Variants in NPHP4 observed in about 807,000 individuals in gnomAD.
NPHP4 encodes nephrocystin 4.
Under a neutral mutation model 155.8 loss-of-function variants are expected in NPHP4, and 151 were observed. That is an observed-to-expected ratio of 0.97 (90% CI 0.85 to 1.11). The LOEUF is 1.11. Ranked by LOEUF, NPHP4 falls within the 50% of genes least tolerant of loss-of-function variation. The probability of loss-of-function intolerance (pLI) is 0.00; values close to 1 mark genes in which losing one functional copy is unlikely to be tolerated. For missense variants in NPHP4, 1,956 were observed against 1,925.7 expected (o/e 1.02, Z -0.29); for synonymous variants, 845 against 816.8 (o/e 1.03, Z -0.59).
intron 27 of NPHP4, 40 bp downstream of exon 27, chr1:5,865,062 G>A (rs1484171351): frequency 6.3e-7 from 1 of 1,599,106 alleles, no homozygotes; most frequent in Admixed American, 1.7e-5. Context: ...CCAGGCTGGG[G>A]TTGGGGAGAG....
At chr1:5,898,531 C>T (rs1015524833) in intron 16 of NPHP4, among the ~76,000 whole-genome samples, 3 of 152,330 alleles carry the variant, frequency 2.0e-5, no homozygotes, top group Admixed American at 2.0e-4. Context: ...AGCGGCTCTG[C>T]CGGGCAGACA....
chr1:5,881,161 C>T (rs1243230752), intron 18 of NPHP4: 1 of 152,234 alleles, frequency 6.6e-6, no homozygotes, highest in African/African-American at 2.4e-5. Context: ...CAGGTCCCTC[C>T]TTGGCTGCAG....
At chr1:5,866,098 C>T in intron 26 of NPHP4, 1 of 507,242 alleles carries the variant, frequency 2.0e-6, no homozygotes, top group African/African-American at 1.9e-5. Flanking sequence ...GTGGCCCTTG[C>T]CACTATCTGG....
At chr1:5,931,480 C>G (rs111713761) in intron 10 of NPHP4, among the ~76,000 whole-genome samples, 145 of 151,590 alleles carry the variant, frequency 9.6e-4, no homozygotes, top group African/African-American at 3.4e-3. Flanking sequence ...TGACTCACAT[C>G]TGCAATCCCA....
intron 9 of NPHP4, among the ~76,000 whole-genome samples, chr1:5,934,225 C>T (rs1312036755): frequency 6.6e-6 from 1 of 152,150 alleles, no homozygotes. Flanking sequence ...GGGTGGAGCA[C>T]ACTTAAGTCA....
At chr1:5,983,650 A>T (rs1655047570) in intron 2 of NPHP4, among the ~76,000 whole-genome samples, 1 of 152,152 alleles carries the variant, frequency 6.6e-6, no homozygotes, top group Admixed American at 6.5e-5. Context: ...GAGTATGACT[A>T]CATGCTGAGT....
chr1:5,953,559 C>T (rs1648608747), intron 6 of NPHP4, among the ~76,000 whole-genome samples: 1 of 152,232 alleles, frequency 6.6e-6, no homozygotes, highest in Non-Finnish European at 1.5e-5. Context: ...ACTGTGTTAC[C>T]TTGAACCATC....
chr1:5,985,925 G>A (rs962155857), intron 2 of NPHP4, among the ~76,000 whole-genome samples: 1 of 152,292 alleles, frequency 6.6e-6, no homozygotes, highest in Admixed American at 6.5e-5. Flanking sequence ...CTACAACTGG[G>A]CAAAGTCATC....
intron 2 of NPHP4, among the ~76,000 whole-genome samples, chr1:5,978,694 G>A (rs1654138934): frequency 6.6e-6 from 1 of 152,126 alleles, no homozygotes; most frequent in Non-Finnish European, 1.5e-5. Context: ...CATGACCACA[G>A]GAGACACATG....
intron 3 of NPHP4, among the ~76,000 whole-genome samples, chr1:5,974,198 C>T (rs985264313): frequency 4.6e-5 from 7 of 152,178 alleles, no homozygotes; most frequent in African/African-American, 1.2e-4. Flanking sequence ...GCTGTGATGA[C>T]GGGAAGAGAC....
At chr1:5,933,939 G>A (rs1646404328) in intron 9 of NPHP4, among the ~76,000 whole-genome samples, 1 of 152,164 alleles carries the variant, frequency 6.6e-6, no homozygotes, top group Non-Finnish European at 1.5e-5. Flanking sequence ...TCTCTGGCTG[G>A]CCAAATGGAA....
At chr1:5,964,941 A>ATATATATATATATATTTTTTTTT in intron 5 of NPHP4, among the ~76,000 whole-genome samples, 2 of 59,388 alleles carry the variant, frequency 3.4e-5, no homozygotes, top group Non-Finnish European at 5.7e-5. Context: ...ATATATATAT[A>ATATATATATATATATTTTTTTTT]TTTTTTTTTT....
chr1:5,870,729 G>C (rs1351544022), intron 23 of NPHP4, among the ~76,000 whole-genome samples: 1 of 152,256 alleles, frequency 6.6e-6, no homozygotes, highest in Non-Finnish European at 1.5e-5. Context: ...ACAGTATGAT[G>C]TTCGTAGAGG....
Position 5,879,780 on chromosome 1 carries a change from C to A in NPHP4, c.2611+334G>T, listed in dbSNP as rs1256224109. On this transcript the variant is annotated intron_variant, in intron 19 of 29. Coordinates refer to ENST00000378156, the MANE Select transcript of NPHP4 (RefSeq NM_015102.5). ...TTAACAGCACCACGAATGGTGCGCA[C>A]ACACACACACACACGCAAACACACA... is the stretch of plus-strand genomic sequence containing the variant. The A allele has an allele frequency of 2.1e-4, 85 of 407,000 alleles. 2 individuals carry two copies. The highest frequency in any genetic ancestry group is 7.3e-4 in the Middle Eastern group (1 of 1,378). 25.2% of individuals were successfully genotyped at this position (407,000 alleles called of 1,614,324 possible). A position where few individuals can be genotyped will look rare whatever the true frequency, so the allele number is the denominator to read the frequency against.
intron 17 of NPHP4, chr1:5,888,568 G>C: frequency 1.5e-6 from 2 of 1,351,134 alleles, no homozygotes; most frequent in Non-Finnish European, 2.0e-6. Flanking sequence ...CGATGATTCC[G>C]GAACCTCAGT....
At chr1:5,907,522 G>C (rs1180070122) in intron 12 of NPHP4, among the ~76,000 whole-genome samples, 1 of 152,246 alleles carries the variant, frequency 6.6e-6, no homozygotes, top group African/African-American at 2.4e-5. Flanking sequence ...CTACAGGGGC[G>C]GCCTGGCCTC....
Position 5,933,328 on chromosome 1 carries a change from G to A in NPHP4, c.1121C>T (p.Ala374Val), listed in dbSNP as rs756665593. 8 of 1,611,726 alleles carry A rather than the reference G, an allele frequency of 5.0e-6. 1 individual carries two copies. Among genetic ancestry groups the A allele is most frequent in the South Asian group, 2.2e-5 (2 of 90,930 alleles). Residue 374 changes from alanine to valine, a missense_variant and splice_region_variant, in exon 10 of 30, where the codon GCA (alanine) becomes GTA (valine). Ala to Val is a moderately conservative substitution (Grantham distance 64). Transcript: ENST00000378156. Reference protein sequence around the residue: ...FSSPAGVDGNAASVTSLSNLA... With the variant: ...FSSPAGVDGNVASVTSLSNLA... The stretch of plus-strand genomic sequence containing the variant: ...GTTGGACAGAGAGGTGACCGAAGCT[G>A]CCTAGAATTAAAACAAAGCACATCG...
Position 5,967,361 on chromosome 1 carries a change from A to G in NPHP4, c.455T>C (p.Leu152Ser), listed in dbSNP as rs1361777515. The change falls in exon 5 of 30, where the codon TTG becomes TCG. Residue 152 changes from leucine (L) to serine (S), a missense_variant and splice_region_variant. By Grantham distance (145) the Leu-to-Ser change is moderately radical. Coordinates refer to ENST00000378156, the MANE Select transcript of NPHP4 (RefSeq NM_015102.5). ...SPISASQDKR[L>S]RLYHGTPRAL... The stretch of plus-strand genomic sequence containing the variant: ...TCTGGGGGTGCCATGGTACAGCCGC[A>G]ACCTGGAAGACAGGACCCAGAGAAC... 3.1e-6 allele frequency: 5 copies of G among 1,605,274 alleles called. No individual in the cohort carries two copies. Among genetic ancestry groups the G allele is most frequent in the Non-Finnish European group, 4.3e-6 (5 of 1,176,420 alleles).
chr1:5,987,456 T>C lies in NPHP4; in HGVS notation c.-38-1129A>G, dbSNP rs1655655272. On this transcript the variant is annotated intron_variant, in intron 1 of 29. Transcript: ENST00000378156. The stretch of plus-strand genomic sequence containing the variant: ...CACCCAGGTGTTATCTCTTTCACCA[T>C]GGTGGCATGGTGGGGCAGAGGCAGC... Among the ~76,000 whole-genome samples the C allele has an allele frequency of 2.0e-5, 3 of 152,018 alleles. No individual in the cohort carries two copies. The South Asian group carries it at 6.2e-4, about 32-fold the overall frequency.
Sources: gnomAD v4.1 joint callset for allele counts (sites outside exome capture counted in the v4.1 genomes callset) on GRCh38, gnomAD v4.1.1 for gene constraint, MANE v1.5 for transcripts, NCBI Gene and HGNC (gene_info 2026-07-23, HGNC 2026-07-21) for gene names.